NTAQ1: variants seen among roughly 807,000 people sequenced by gnomAD.
NTAQ1 encodes the protein N-terminal glutamine amidase 1.
A neutral mutation model predicts 28.2 loss-of-function variants in NTAQ1; 21 were observed. The observed-to-expected ratio is 0.74, with a 90% CI of 0.53 to 1.07. NTAQ1 has a LOEUF of 1.07. NTAQ1 is among the 50% of genes least tolerant of loss of function. NTAQ1 has a pLI of 0.00. For missense variants in NTAQ1, 264 were observed against 256.6 expected (o/e 1.03, Z -0.20); for synonymous variants, 105 against 90.0 (o/e 1.17, Z -0.94).
intron 1 of NTAQ1, among the ~76,000 whole-genome samples, chr8:123,420,625 T>C (rs1441617291): frequency 4.4e-5 from 6 of 135,090 alleles, no homozygotes; most frequent in African/African-American, 8.3e-5. Context: ...AGGGTCTCAC[T>C]CTGTCACCTA....
At chr8:123,421,291 G>C (rs926128770) in intron 1 of NTAQ1, among the ~76,000 whole-genome samples, 7 of 151,498 alleles carry the variant, frequency 4.6e-5, no homozygotes, top group South Asian at 4.2e-4. Context: ...TGTTGCCCAG[G>C]CTGGTCTTGA....
chr8:123,428,261 T>C (rs879609400), intron 2 of NTAQ1, among the ~76,000 whole-genome samples: 1 of 152,056 alleles, frequency 6.6e-6, no homozygotes, highest in African/African-American at 2.4e-5. Flanking sequence ...AGTGGCGTGA[T>C]TCTTGGCTCA....
Position 123,436,571 on chromosome 8 carries a change from C to T in NTAQ1, c.353C>T (p.Ser118Phe). The change falls in exon 4 of 6, where the codon TCT becomes TTT. Residue 118 changes from serine (S) to phenylalanine (F), a missense_variant. Transcript: ENST00000287387. The stretch of plus-strand genomic sequence containing the variant: ...ACTTATGTAGAAGATGCCTTTAAGT[C>T]TGATGATGACATTCACCCACAGTTT... ...FDTYVEDAFKSDDDIHPQFRR... is the reference protein window; with the variant it reads ...FDTYVEDAFKFDDDIHPQFRR... 2.5e-6 allele frequency: 4 copies of T among 1,613,876 alleles called. No homozygotes were observed. The highest frequency in any genetic ancestry group is 3.4e-6 in the Non-Finnish European group (4 of 1,179,924).
chr8:123,435,642 G>T, intron 3 of NTAQ1: 1 of 582,906 alleles, frequency 1.7e-6, no homozygotes, highest in Non-Finnish European at 2.2e-6. Flanking sequence ...TGAGGCGGGG[G>T]GATCACTTGA....
chr8:123,458,884 T>C (rs1815734957), intron 6 of NTAQ1, among the ~76,000 whole-genome samples: 1 of 152,024 alleles, frequency 6.6e-6, no homozygotes, highest in South Asian at 2.1e-4. Context: ...CCTCCCAAAG[T>C]GCTGGGATTA....
At chr8:123,472,776 C>G (rs1421417937), downstream of NTAQ1, among the ~76,000 whole-genome samples, 3 of 152,114 alleles carry the variant, frequency 2.0e-5, no homozygotes, top group Non-Finnish European at 4.4e-5. Context: ...CTATTCAACC[C>G]CCTATACTAA....
rs537302310 is a variant in NTAQ1 at position 123,468,151 on chromosome 8, G to C, written c.*1001G>C. ...AGGGATTCTTGCGTGGCCCCCAAAG[G>C]GGGTAGTGGGGTAGGGAATAAGCTT... On this transcript the variant is annotated 3_prime_UTR_variant, in exon 7 of 7. Coordinates refer to the NTAQ1 transcript ENST00000650311. 1.4e-3 allele frequency among the ~76,000 whole-genome samples: 220 copies of C among 152,310 alleles called. 1 individual carries two copies. Among genetic ancestry groups the C allele is most frequent in the Non-Finnish European group, 2.6e-3 (178 of 68,018 alleles).
In NTAQ1 at chr8:123,442,111, A is replaced by G. The variant is rs1011795417; in HGVS notation, c.*696A>G. On this transcript the variant is annotated 3_prime_UTR_variant, in exon 6 of 6. Transcript: ENST00000287387. Reference sequence around the variant, plus strand: ...TAGATGAGAACCAGGGCTTTAAAAAATATTTATTACATGTGCCTTCTGGAA... The same window carrying G: ...TAGATGAGAACCAGGGCTTTAAAAAGTATTTATTACATGTGCCTTCTGGAA... 11 of 152,358 alleles carry G rather than the reference A, an allele frequency of 7.2e-5. No individual in the cohort carries two copies. Among genetic ancestry groups the G allele is most frequent in the African/African-American group, 2.2e-4 (9 of 41,450 alleles). The allele number at this position is 152,358 out of a possible 1,614,324, so 9.4% of individuals were successfully genotyped here.
At chr8:123,469,265 C>T (rs1415635760) in exon 7 of NTAQ1, among the ~76,000 whole-genome samples, 2 of 152,126 alleles carry the variant, frequency 1.3e-5, no homozygotes, top group Non-Finnish European at 2.9e-5. Context: ...GTTGCCTATG[C>T]ATTTAGTGTC....
exon 7 of NTAQ1, among the ~76,000 whole-genome samples, chr8:123,468,130 A>T (rs1024395919): frequency 2.6e-4 from 39 of 152,196 alleles, no homozygotes; most frequent in African/African-American, 9.2e-4. Context: ...GGAGATAGGG[A>T]TTCTTGCGTG....
chr8:123,451,615 A>G (rs1815495789), downstream of NTAQ1, among the ~76,000 whole-genome samples: 2 of 152,332 alleles, frequency 1.3e-5, no homozygotes, highest in Non-Finnish European at 2.9e-5. Flanking sequence ...CTGGGATTAC[A>G]GGCACGAGCC....
chr8:123,437,098 A>G, intron 4 of NTAQ1, 112 bp from the exon 5 acceptor site: 1 of 1,397,854 alleles, frequency 7.2e-7, no homozygotes, highest in Non-Finnish European at 9.8e-7. Context: ...AACCATACAG[A>G]AATGCATGAG....
chr8:123,438,272 A>T (rs764316867), intron 5 of NTAQ1: 1 of 685,044 alleles, frequency 1.5e-6, no homozygotes, highest in Non-Finnish European at 2.7e-6. Context: ...CTTAGGGGTG[A>T]GATCATCCCA....
chr8:123,418,196 A>AT (rs1813426691), intron 1 of NTAQ1, among the ~76,000 whole-genome samples: 1 of 152,192 alleles, frequency 6.6e-6, no homozygotes, highest in African/African-American at 2.4e-5. Flanking sequence ...CACGCCTGTA[A>AT]TTCCAGCACT....
chr8:123,462,619 T>A (rs762588358), intron 6 of NTAQ1, among the ~76,000 whole-genome samples: 14 of 152,184 alleles, frequency 9.2e-5, no homozygotes, highest in Non-Finnish European at 8.8e-5. Flanking sequence ...TTTAATCCTC[T>A]TTGATATGAG....
At chr8:123,437,093 T>C (rs1814763862) in intron 4 of NTAQ1, 117 bp from the exon 5 acceptor site, 42 of 1,373,040 alleles carry the variant, frequency 3.1e-5, no homozygotes, top group Non-Finnish European at 3.3e-5. Flanking sequence ...TTACTAACCA[T>C]ACAGAAATGC....
chr8:123,426,747 A>G (rs13266016), intron 1 of NTAQ1, among the ~76,000 whole-genome samples: 108,703 of 151,854 alleles, frequency 0.72, 39,225 homozygotes, highest in East Asian at 0.93. Flanking sequence ...ATCACTTGAG[A>G]TCAAGAGTTT....
intron 2 of NTAQ1, among the ~76,000 whole-genome samples, chr8:123,429,060 T>C (rs944103068): frequency 2.0e-5 from 3 of 152,260 alleles, no homozygotes; most frequent in African/African-American, 7.2e-5. Flanking sequence ...AAGCCCTTCA[T>C]ATTTTGTAAA....
chr8:123,432,678 T>C (rs548856124), intron 3 of NTAQ1, among the ~76,000 whole-genome samples: 2 of 78,858 alleles, frequency 2.5e-5, no homozygotes, highest in East Asian at 7.6e-4. Flanking sequence ...TTTTAAATTT[T>C]ATTTATGTAT....
Sources: gnomAD v4.1 joint callset for allele counts (sites outside exome capture counted in the v4.1 genomes callset) on GRCh38, gnomAD v4.1.1 for gene constraint, MANE v1.5 for transcripts, NCBI Gene and HGNC (gene_info 2026-07-23, HGNC 2026-07-21) for gene names.